Variants in QKI observed in about 807,000 individuals in gnomAD.
The protein encoded by QKI is QKI, KH domain containing RNA binding.
QKI carries 10 observed loss-of-function variants against 39.0 expected under a neutral mutation model. The ratio of observed to expected loss-of-function variants is 0.26; its 90% CI spans 0.16 to 0.43. The LOEUF is 0.43. Ranked by LOEUF, QKI falls within the 20% of genes least tolerant of loss-of-function variation. The pLI is 1.00. For synonymous variants in QKI, 204 were observed against 155.4 expected (o/e 1.31, Z -2.33); for missense variants, 218 against 428.0 (o/e 0.51, Z 4.33).
intron 3 of QKI, among the ~76,000 whole-genome samples, chr6:163,497,049 A>G (rs1295761670): frequency 1.3e-5 from 2 of 152,170 alleles, no homozygotes; most frequent in African/African-American, 4.8e-5. Context: ...TGTAGTTGGT[A>G]CTCAGTAAAT....
intron 7 of QKI, chr6:163,568,081 A>T: frequency 3.0e-6 from 3 of 985,406 alleles, no homozygotes; most frequent in Non-Finnish European, 3.6e-6. Flanking sequence ...GTCTATGAGG[A>T]TGGTATTCCT....
chr6:163,570,642 A>ATCTTT (rs765008236), intron 7 of QKI, 52 bp from the exon 8 acceptor site: 12 of 1,602,028 alleles, frequency 7.5e-6, no homozygotes, highest in Non-Finnish European at 9.3e-6. Context: ...TCTCTTCTCT[A>ATCTTT]TCTTTTCTTT....
intron 3 of QKI, among the ~76,000 whole-genome samples, chr6:163,484,573 C>G (rs1793327826): frequency 6.6e-6 from 1 of 152,132 alleles, no homozygotes; most frequent in South Asian, 2.1e-4. Flanking sequence ...CATAAAGTCA[C>G]CAGTTGCATT....
rs144172524 is a variant in QKI, at chr6:163,460,249, A to T, written c.285+4828A>T. 1.9e-3 allele frequency among the ~76,000 whole-genome samples: 283 copies of T among 152,274 alleles called. 2 individuals are homozygous for T. The highest frequency in any genetic ancestry group is 3.4e-3 in the Middle Eastern group (1 of 294). Reference sequence around the variant, plus strand: ...AATTCTGATTTTCTGATGTTTTTAAAATGGGATTTAATTTTGACTAATAGC... The same window carrying T: ...AATTCTGATTTTCTGATGTTTTTAATATGGGATTTAATTTTGACTAATAGC... On this transcript the variant is annotated intron_variant, in intron 2 of 7. Coordinates refer to ENST00000361752, the MANE Select transcript of QKI (RefSeq NM_006775.3).
chr6:163,505,812 G>A (rs1045309972), intron 3 of QKI, among the ~76,000 whole-genome samples: 5 of 152,106 alleles, frequency 3.3e-5, no homozygotes, highest in Non-Finnish European at 7.4e-5. Flanking sequence ...GTAACTAGTG[G>A]GATCTTATGG....
At chr6:163,477,940 T>C (rs1792752376) in intron 2 of QKI, among the ~76,000 whole-genome samples, 1 of 152,200 alleles carries the variant, frequency 6.6e-6, no homozygotes, top group Non-Finnish European at 1.5e-5. Context: ...ACCTATTTGA[T>C]TGAATAAGTA....
At chr6:163,535,868 G>A (rs967393737) in intron 4 of QKI, among the ~76,000 whole-genome samples, 6 of 152,144 alleles carry the variant, frequency 3.9e-5, no homozygotes, top group Non-Finnish European at 7.4e-5. Context: ...GGAGGCAGAG[G>A]TTGCAGTGAG....
chr6:163,504,570 A>C lies in QKI; in HGVS notation c.402+25674A>C, dbSNP rs1375833681. On this transcript the variant is annotated intron_variant, in intron 3 of 7. Transcript: ENST00000361752. The stretch of plus-strand genomic sequence containing the variant: ...TTGTTTTGTAGTTCTCCTTACAGAG[A>C]TCTTTTAACTTCTTGGCTGGATGTA... Among the ~76,000 whole-genome samples the C allele has an allele frequency of 7.2e-5, 11 of 152,024 alleles. No individual in the cohort carries two copies. In the East Asian group the frequency reaches 2.1e-3, roughly 29 times the overall value.
intron 4 of QKI, among the ~76,000 whole-genome samples, chr6:163,536,164 ATTTTAT>A (rs1195973078): frequency 1.2e-4 from 19 of 152,130 alleles, no homozygotes; most frequent in Non-Finnish European, 1.0e-4. Context: ...CTGTTGGTAG[ATTTTAT>A]TTTTTTTAAT....
chr6:163,521,591 C>T lies in QKI; in HGVS notation c.403-13391C>T, dbSNP rs534161456. ...AGGCTGGAGTGCAGTGGCATGATCT[C>T]GGCTCACTGCAACCTCTGCCTCCTG... is the stretch of plus-strand genomic sequence containing the variant. On this transcript the variant is annotated intron_variant, in intron 3 of 7. Coordinates refer to ENST00000361752, the MANE Select transcript of QKI (RefSeq NM_006775.3). 1.1e-4 allele frequency among the ~76,000 whole-genome samples: 17 copies of T among 152,170 alleles called. 1 individual carries two copies. In the South Asian group the frequency reaches 2.9e-3, roughly 26 times the overall value.
chr6:163,461,463 G>T (rs1791345022), intron 2 of QKI, among the ~76,000 whole-genome samples: 1 of 152,086 alleles, frequency 6.6e-6, no homozygotes, highest in South Asian at 2.1e-4. Flanking sequence ...TGAAAGATGG[G>T]GTTGTTAGGG....
chr6:163,496,192 C>G (rs1778394479), intron 3 of QKI, among the ~76,000 whole-genome samples: 1 of 152,182 alleles, frequency 6.6e-6, no homozygotes, highest in Admixed American at 6.5e-5. Flanking sequence ...GACTTTTACA[C>G]TGCTTGATAT....
Position 163,537,208 on chromosome 6 carries a change from A to G in QKI, c.546+2083A>G, listed in dbSNP as rs537124359. On this transcript the variant is annotated intron_variant, in intron 4 of 7. Transcript: ENST00000361752. ...ATAAGACCCTGTCCCTTAGGGGGGA[A>G]AAGAAAGTTTGGAGCATTATAAACC... 3.3e-5 allele frequency among the ~76,000 whole-genome samples: 5 copies of G among 152,300 alleles called. No individual in the cohort carries two copies. In the East Asian group the frequency reaches 9.7e-4, roughly 29 times the overall value.
chr6:163,476,088 T>A (rs1332018068), intron 2 of QKI, among the ~76,000 whole-genome samples: 2 of 152,128 alleles, frequency 1.3e-5, no homozygotes, highest in African/African-American at 4.8e-5. Context: ...GTGAAAAAAA[T>A]GCTTAGCTTC....
intron 3 of QKI, among the ~76,000 whole-genome samples, chr6:163,508,936 C>T (rs564336364): frequency 4.4e-4 from 61 of 137,264 alleles, no homozygotes; most frequent in African/African-American, 1.5e-3. Flanking sequence ...GTCAGGAGTT[C>T]GAGACCAGCC....
Position 163,534,992 on chromosome 6 carries a change from A to G in QKI, c.413A>G (p.Asn138Ser). 1.2e-6 allele frequency: 2 copies of G among 1,604,052 alleles called. No homozygotes were observed. The highest frequency in any genetic ancestry group is 1.7e-6 in the Non-Finnish European group (2 of 1,176,374). ...CTGTAAATTTTTTAGGAGGAGCAAA[A>G]TAGAGGCAAGCCCAATTGGGAGCAT... ...SMRDKKKEEQ[N>S]RGKPNWEHLN... The change falls in exon 4 of 8, where the codon AAT (asparagine) becomes AGT (serine). Residue 138 changes from asparagine to serine, a missense_variant. Physicochemically the swap from Asn to Ser is conservative, Grantham distance 46. Transcript: ENST00000361752.
chr6:163,560,901 G>A (rs1358109249), intron 4 of QKI, among the ~76,000 whole-genome samples: 1 of 151,940 alleles, frequency 6.6e-6, no homozygotes, highest in Non-Finnish European at 1.5e-5. Flanking sequence ...GGAAAGAGTG[G>A]GACCAATTCA....
intron 4 of QKI, among the ~76,000 whole-genome samples, chr6:163,556,888 T>C (rs1782664097): frequency 6.6e-6 from 1 of 152,238 alleles, no homozygotes; most frequent in East Asian, 1.9e-4. Context: ...AGTAAAGACA[T>C]TCTTTGTTGT....
intron 1 of QKI, among the ~76,000 whole-genome samples, chr6:163,424,584 G>T (rs1249429077): frequency 6.6e-6 from 1 of 152,066 alleles, no homozygotes; most frequent in East Asian, 1.9e-4. Context: ...TGAAGTTGAT[G>T]GGTATTCAGA....
Sources: allele counts gnomAD v4.1 joint callset (sites outside exome capture counted in the v4.1 genomes callset), GRCh38; gene constraint gnomAD v4.1.1; transcripts MANE v1.5; gene names NCBI Gene and HGNC (gene_info 2026-07-23, HGNC 2026-07-21).